Variants in CELSR1 observed in about 807,000 individuals in gnomAD.
CELSR1 encodes the protein adhesion G protein-coupled receptor C1.
Under a neutral mutation model 249.1 loss-of-function variants are expected in CELSR1, and 110 were observed. The ratio of observed to expected loss-of-function variants is 0.44; its 90% CI spans 0.38 to 0.52. CELSR1 has a LOEUF of 0.52. CELSR1 is among the 20% of genes least tolerant of loss of function. The probability of loss-of-function intolerance (pLI) is 0.00; values close to 1 mark genes in which losing one functional copy is unlikely to be tolerated. For synonymous variants in CELSR1, 2,113 were observed against 1,900.0 expected (o/e 1.11, Z -2.92); for missense variants, 4,109 against 4,296.4 (o/e 0.96, Z 1.22).
chr22:46,414,252 A>G (rs8140517), intron 5 of CELSR1, among the ~76,000 whole-genome samples: 2,602 of 152,354 alleles, frequency 0.017, 67 homozygotes, highest in Middle Eastern at 0.061. Flanking sequence ...GTGCTGCTCG[A>G]TTCTGACTCC....
Position 46,447,097 on chromosome 22 carries a change from G to A in CELSR1, c.4184-7686C>T, listed in dbSNP as rs1193914674. Among the ~76,000 whole-genome samples the A allele has an allele frequency of 6.6e-6, 1 of 152,120 alleles. No homozygotes were observed. On this transcript the variant is annotated intron_variant, in intron 2 of 34. Transcript: ENST00000674500. This position sits in a 1 kb window ranked among gnomAD's most constrained non-coding sequence, Gnocchi z 4.7. ...ACAGCGCTGTTTAAACAAGGTAACT[G>A]GAGGGGCTGCTCCCCACCAACCCTC...
chr22:46,375,071 C>G (rs538690661), intron 24 of CELSR1, among the ~76,000 whole-genome samples: 1 of 152,182 alleles, frequency 6.6e-6, no homozygotes, highest in Non-Finnish European at 1.5e-5. Flanking sequence ...CCTGCCTTCC[C>G]TCTTGAGGTA....
rs1239617537 is a variant in CELSR1 at position 46,402,693 on chromosome 22, C to T, written c.5227-2791G>A. 1.3e-5 allele frequency among the ~76,000 whole-genome samples: 2 copies of T among 152,126 alleles called. No individual in the cohort carries two copies. Among genetic ancestry groups the T allele is most frequent in the African/African-American group, 4.8e-5 (2 of 41,404 alleles). ...GACTCAAAAATAACACTGGGAACCA[C>T]AAAACTTTCAAGGAAACAGACTCAG... On this transcript the variant is annotated intron_variant, in intron 9 of 34. Transcript: ENST00000674500. The surrounding 1 kb of genome is among the most constrained non-coding windows in gnomAD (Gnocchi z 5.0).
chr22:46,460,401 T>C (rs891841866), intron 2 of CELSR1, among the ~76,000 whole-genome samples: 2 of 152,150 alleles, frequency 1.3e-5, no homozygotes, highest in African/African-American at 2.4e-5. Flanking sequence ...GGTGTACAGC[T>C]GCGGAAGCAG....
intron 1 of CELSR1, among the ~76,000 whole-genome samples, chr22:46,495,047 T>C (rs907144173): frequency 2.0e-5 from 3 of 152,224 alleles, no homozygotes; most frequent in African/African-American, 7.2e-5. Context: ...AGAGTGTCCT[T>C]AGACAAACCT....
chr22:46,403,677 C>G (rs947427879), intron 9 of CELSR1, among the ~76,000 whole-genome samples: 1 of 151,994 alleles, frequency 6.6e-6, no homozygotes, highest in African/African-American at 2.4e-5. Flanking sequence ...GGCATGTGTA[C>G]AAAACTGGCT....
In CELSR1 at chr22:46,364,252, C is replaced by CT. The variant is rs765906922; in HGVS notation, c.8780-2dup. On this transcript the variant is annotated splice_acceptor_variant, in intron 33 of 34. Transcript: ENST00000674500. LOFTEE classifies it high-confidence loss of function. Reference sequence around the variant, plus strand: ...TAGGTGACTTTATTTTTCAAGATGCCTGGGAGGAGGAGACACGGCAAGGTC... The same window carrying CT: ...TAGGTGACTTTATTTTTCAAGATGCCTTGGGAGGAGGAGACACGGCAAGGTC... 3.7e-6 allele frequency: 6 copies of CT among 1,607,576 alleles called. No individual in the cohort carries two copies. The South Asian group carries it at 6.6e-5, about 18-fold the overall frequency.
At chr22:46,364,782 G>A (rs756290393) in intron 32 of CELSR1, 46 bp from the exon 33 acceptor site, 197 of 1,558,706 alleles carry the variant, frequency 1.3e-4, no homozygotes, top group Non-Finnish European at 1.6e-4. Flanking sequence ...ACTGCCACTC[G>A]AGCTGCTCCC....
chr22:46,467,245 C>T (rs1471605755), intron 1 of CELSR1, among the ~76,000 whole-genome samples: 5 of 152,016 alleles, frequency 3.3e-5, no homozygotes, highest in Admixed American at 3.3e-4. Context: ...ATTCCTTTGC[C>T]AAAAATAAAT....
At chr22:46,487,793 A>G (rs1377517803) in intron 1 of CELSR1, among the ~76,000 whole-genome samples, 2 of 127,520 alleles carry the variant, frequency 1.6e-5, no homozygotes, top group African/African-American at 6.0e-5. Context: ...CAGGATACTG[A>G]CGGAAGTAGA....
chr22:46,498,291 C>CA (rs757698564), intron 1 of CELSR1, among the ~76,000 whole-genome samples: 2,394 of 11,306 alleles, frequency 0.21, 305 homozygotes, highest in Non-Finnish European at 0.28. Flanking sequence ...AACTCTGTCT[C>CA]AAAAAAAAAA....
chr22:46,436,361 T>G lies in CELSR1; in HGVS notation c.4407-72A>C, dbSNP rs2079661102. 8.5e-7 allele frequency: 1 copy of G among 1,179,804 alleles called. No individual in the cohort carries two copies. Among genetic ancestry groups the G allele is most frequent in the Non-Finnish European group, 1.2e-6 (1 of 801,002 alleles). The allele number at this position is 1,179,804 out of a possible 1,614,324, so 73.1% of individuals were successfully genotyped here. On this transcript the variant is annotated intron_variant, in intron 3 of 34. Transcript: ENST00000674500. This position sits in a 1 kb window ranked among gnomAD's most constrained non-coding sequence, Gnocchi z 5.9. ...CCAAAGGCTGCCTAGGAATGACAAG[T>G]CCAGCCGGAGGAGGGCAAGCACGTG...
chr22:46,427,616 C>A lies in CELSR1; in HGVS notation c.4611+5777G>T, dbSNP rs190858738. ...TCCTGGGAGCTCCTCCCCTCATCACCGCACAGAACCCCACCGCACTGTTGG... is the reference window on the plus strand; with the variant it reads ...TCCTGGGAGCTCCTCCCCTCATCACAGCACAGAACCCCACCGCACTGTTGG... On this transcript the variant is annotated intron_variant, in intron 5 of 34. Coordinates refer to ENST00000674500, the MANE Select transcript of CELSR1 (RefSeq NM_001378328.1). The surrounding 1 kb of genome is among the most constrained non-coding windows in gnomAD (Gnocchi z 4.2). Among the ~76,000 whole-genome samples the A allele has an allele frequency of 2.6e-5, 4 of 152,164 alleles. No individual in the cohort carries two copies. Among genetic ancestry groups the A allele is most frequent in the Non-Finnish European group, 5.9e-5 (4 of 68,036 alleles).
intron 1 of CELSR1, among the ~76,000 whole-genome samples, chr22:46,505,140 T>C (rs1191682230): frequency 6.6e-6 from 1 of 151,566 alleles, no homozygotes; most frequent in African/African-American, 2.4e-5. Flanking sequence ...CGGGCTCCTG[T>C]AGTCCCAGCT....
At chr22:46,383,428 T>C (rs1215921002) in intron 20 of CELSR1, among the ~76,000 whole-genome samples, 1 of 152,226 alleles carries the variant, frequency 6.6e-6, no homozygotes, top group Non-Finnish European at 1.5e-5. Context: ...CAACCCAGGA[T>C]TGAAGATTTG....
In CELSR1 at chr22:46,372,397, CCACT is replaced by C. The variant is rs58456265; in HGVS notation, c.7759+482_7759+485del. On this transcript the variant is annotated intron_variant, in intron 25 of 34. Transcript: ENST00000674500. ...CCACTCACTCACCCCATCTACCCATCCACTCACTCACCCCTCCACCCATCCATCC... is the reference window on the plus strand; with the variant it reads ...CCACTCACTCACCCCATCTACCCATCCACTCACCCCTCCACCCATCCATCC... Among the ~76,000 whole-genome samples the C allele has an allele frequency of 1.4e-3, 181 of 130,878 alleles. 7 individuals are homozygous for C. The highest frequency in any genetic ancestry group is 4.8e-3 in the African/African-American group (162 of 33,836). The allele number at this position is 130,878 out of a possible 152,430, so 85.9% of individuals were successfully genotyped here.
At position 46,535,838 on chromosome 22, in the gene CELSR1, C is replaced by T. The variant is rs1168690536; in HGVS notation, c.1333G>A (p.Val445Met). 3.7e-6 allele frequency: 6 copies of T among 1,611,844 alleles called. No homozygotes were observed. The highest frequency in any genetic ancestry group is 2.2e-5 in the South Asian group (2 of 91,074). The change falls in exon 1 of 35, where the codon GTG becomes ATG. Residue 445 changes from valine to methionine, a missense_variant. This residue lies in a region of CELSR1 where 135 missense variants were observed against 190.0 expected (regional missense o/e 0.71). Coordinates refer to ENST00000674500, the MANE Select transcript of CELSR1 (RefSeq NM_001378328.1). ...TTCTCGTCCTCCACCTCGATGTACA[C>T]GGTGGCCGTGGCACTGAGCGGGCCC... ...NPGPLSATAT[V>M]YIEVEDENDN...
Position 46,448,906 on chromosome 22 carries a change from G to C in CELSR1, c.4184-9495C>G, listed in dbSNP as rs2079850289. On this transcript the variant is annotated intron_variant, in intron 2 of 34. Coordinates refer to ENST00000674500, the MANE Select transcript of CELSR1 (RefSeq NM_001378328.1). This position sits in a 1 kb window ranked among gnomAD's most constrained non-coding sequence, Gnocchi z 5.7. ...ACTTCACTACCAGAGAAAGCACACA[G>C]ATAGGAGGCCAAGAGGGGAACGTTA... is the stretch of plus-strand genomic sequence containing the variant. 6.6e-6 allele frequency among the ~76,000 whole-genome samples: 1 copy of C among 152,176 alleles called. No homozygotes were observed. Among genetic ancestry groups the C allele is most frequent in the Admixed American group, 6.5e-5 (1 of 15,282 alleles).
At chr22:46,522,916 G>A (rs1349131190) in intron 1 of CELSR1, among the ~76,000 whole-genome samples, 1 of 152,246 alleles carries the variant, frequency 6.6e-6, no homozygotes, top group Non-Finnish European at 1.5e-5. Context: ...GAGAACACCT[G>A]CTCAGCGGGC....
Sources: allele counts gnomAD v4.1 joint callset (sites outside exome capture counted in the v4.1 genomes callset), GRCh38; gene constraint gnomAD v4.1.1; regional missense constraint gnomAD v4.1.1; non-coding constraint Gnocchi (gnomAD v3.1); transcripts MANE v1.5; gene names NCBI Gene and HGNC (gene_info 2026-07-23, HGNC 2026-07-21).